PRKAB1: variants seen among roughly 807,000 people sequenced by gnomAD.
PRKAB1 encodes the protein protein kinase AMP-activated non-catalytic subunit beta 1, also known as 5'-AMP-activated protein kinase subunit beta-1.
Under a neutral mutation model 32.0 loss-of-function variants are expected in PRKAB1, and 18 were observed. The ratio of observed to expected loss-of-function variants is 0.56; its 90% CI spans 0.39 to 0.83. The LOEUF (loss-of-function observed/expected upper bound fraction) is 0.83, where lower values mean the gene tolerates loss of function less well. Ranked by LOEUF, PRKAB1 falls within the 40% of genes least tolerant of loss-of-function variation. The pLI, the probability that PRKAB1 is intolerant of heterozygous loss-of-function variation, is 0.00. For synonymous variants in PRKAB1, 141 were observed against 141.4 expected, an observed-to-expected ratio of 1.00 and a Z score of 0.02; for missense variants, 263 against 352.6, an observed-to-expected ratio of 0.75 and a Z score of 2.03.
In PRKAB1 at chr12:119,679,605, A is replaced by G. The variant is rs1593333352; in HGVS notation, c.667-328A>G. The G allele has an allele frequency of 2.8e-6, 1 of 357,348 alleles. No homozygotes were observed. The highest frequency in any genetic ancestry group is 5.4e-6 in the Non-Finnish European group (1 of 184,460). 22.1% of individuals were successfully genotyped at this position (357,348 alleles called of 1,614,324 possible). A position where few individuals can be genotyped will look rare whatever the true frequency, so the allele number is the denominator to read the frequency against. On this transcript the variant is annotated intron_variant, in intron 5 of 6. Coordinates refer to ENST00000229328, the MANE Select transcript of PRKAB1 (RefSeq NM_006253.5). This position sits in a 1 kb window ranked among gnomAD's most constrained non-coding sequence, Gnocchi z 4.1. ...AGATGGTCTCTTCCTGTGTTCTCTG[A>G]AAGTGCTGTTAATAGCTGCTTTCTT... is the stretch of plus-strand genomic sequence containing the variant.
rs368860400 is a variant in PRKAB1, at chr12:119,676,593, G to A, written c.589G>A (p.Glu197Lys). 1.1e-5 allele frequency: 17 copies of A among 1,613,804 alleles called. No homozygotes were observed. Among genetic ancestry groups the A allele is most frequent in the South Asian group, 3.3e-5 (3 of 91,078 alleles). The change falls in exon 5 of 7, where the codon GAA becomes AAA. Residue 197 changes from glutamate (E) to lysine (K), a missense_variant. Glu to Lys is a moderately conservative substitution (Grantham distance 56). Coordinates refer to ENST00000229328, the MANE Select transcript of PRKAB1 (RefSeq NM_006253.5). Reference sequence around the variant, plus strand: ...TCAGGAGCCCTACGTCTGCAAACCCGAAGAGCGCTTTCGGGCACCCCCTAT... The same window carrying A: ...TCAGGAGCCCTACGTCTGCAAACCCAAAGAGCGCTTTCGGGCACCCCCTAT... ...YHQEPYVCKP[E>K]ERFRAPPILP...
chr12:119,670,063 AAT>A (rs1206706486), intron 1 of PRKAB1: 2 of 152,158 alleles, frequency 1.3e-5, no homozygotes, highest in African/African-American at 4.8e-5. Context: ...AGCCTGTTTA[AAT>A]TCAAAAACTC....
intron 6 of PRKAB1, 52 bp downstream of exon 6, chr12:119,680,053 A>C (rs1414000761): frequency 1.3e-6 from 2 of 1,575,460 alleles, no homozygotes; most frequent in Non-Finnish European, 1.7e-6. Flanking sequence ...GTGTGCTCTG[A>C]GGACCCCCAG....
At position 119,680,094 on chromosome 12, in the gene PRKAB1, A is replaced by T; in HGVS notation, c.735+93A>T. 2.6e-6 allele frequency: 4 copies of T among 1,519,378 alleles called. No homozygotes were observed. In the East Asian group the frequency reaches 9.0e-5, roughly 34 times the overall value. The allele number at this position is 1,519,378 out of a possible 1,614,324, so 94.1% of individuals were successfully genotyped here. A position where few individuals can be genotyped will look rare whatever the true frequency, so the allele number is the denominator to read the frequency against. On this transcript the variant is annotated intron_variant, in intron 6 of 6. Transcript: ENST00000229328. Reference sequence around the variant, plus strand: ...GAATGACCTGGCGGGACTGACTTAAAGGGCAGCTTCCAGGGTCTGGCACAG... The same window carrying T: ...GAATGACCTGGCGGGACTGACTTAATGGGCAGCTTCCAGGGTCTGGCACAG...
Position 119,674,245 on chromosome 12 carries a change from G to A in PRKAB1, c.418-95G>A, listed in dbSNP as rs149119119. The A allele has an allele frequency of 3.1e-4, 342 of 1,117,818 alleles. No homozygotes were observed. The East Asian group carries it at 7.9e-3, about 26-fold the overall frequency. The allele number at this position is 1,117,818 out of a possible 1,614,324, so 69.2% of individuals were successfully genotyped here. A position where few individuals can be genotyped will look rare whatever the true frequency, so the allele number is the denominator to read the frequency against. The stretch of plus-strand genomic sequence containing the variant: ...CAAGATGAGCAGGGTGGCTAGCCAG[G>A]AGATGAGGCCTTCCAGCCAGGAATT... On this transcript the variant is annotated intron_variant, in intron 3 of 6. Coordinates refer to ENST00000229328, the MANE Select transcript of PRKAB1 (RefSeq NM_006253.5). This position sits in a 1 kb window ranked among gnomAD's most constrained non-coding sequence, Gnocchi z 4.3.
At chr12:119,668,559 G>A in intron 1 of PRKAB1, among the ~76,000 whole-genome samples, 156 bp downstream of exon 1, 1 of 152,224 alleles carries the variant, frequency 6.6e-6, no homozygotes, top group Non-Finnish European at 1.5e-5. Context: ...TCCTGTAAGA[G>A]TTCTCTTAGC....
intron 1 of PRKAB1, chr12:119,669,370 C>T (rs1955368477): frequency 6.7e-6 from 1 of 150,298 alleles, no homozygotes; most frequent in South Asian, 2.1e-4. Context: ...TAGGTTCACG[C>T]CATTCTCCTG....
chr12:119,674,548 C>A lies in PRKAB1; in HGVS notation c.532+94C>A. The A allele has an allele frequency of 8.9e-6, 8 of 895,518 alleles. No homozygotes were observed. In the South Asian group the frequency reaches 1.2e-4, roughly 13 times the overall value. 55.5% of individuals were successfully genotyped at this position (895,518 alleles called of 1,614,324 possible). ...TTCTCTTGCCTCTCTTGAGCTGAAG[C>A]TGCCCAGTCAGATAGGCATTTATAG... On this transcript the variant is annotated intron_variant, in intron 4 of 6. Coordinates refer to ENST00000229328, the MANE Select transcript of PRKAB1 (RefSeq NM_006253.5). The surrounding 1 kb of genome is among the most constrained non-coding windows in gnomAD (Gnocchi z 4.3).
rs1955427404 is a variant in PRKAB1 at position 119,676,523 on chromosome 12, C to G, written c.533-14C>G. 1.3e-6 allele frequency: 2 copies of G among 1,596,552 alleles called. No individual in the cohort carries two copies. Among genetic ancestry groups the G allele is most frequent in the African/African-American group, 2.7e-5 (2 of 74,384 alleles). ...TGATTTTCAAAGTAAAGTCCTGTTA[C>G]CATCTCCCAACAGAGCTGTCCAGTT... On this transcript the variant is annotated splice_polypyrimidine_tract_variant and intron_variant, in intron 4 of 6. Transcript: ENST00000229328.
intron 1 of PRKAB1, 74 bp downstream of exon 1, chr12:119,668,477 C>T: frequency 6.5e-7 from 1 of 1,548,052 alleles, no homozygotes; most frequent in South Asian, 1.2e-5. Flanking sequence ...AGATTCCCGT[C>T]ACATCCTTTC....
At chr12:119,675,131 G>A (rs1018853982) in intron 4 of PRKAB1, among the ~76,000 whole-genome samples, 1 of 152,222 alleles carries the variant, frequency 6.6e-6, no homozygotes, top group African/African-American at 2.4e-5. Context: ...AGAGGGTTGC[G>A]ATCTAAAGTG....
At chr12:119,670,445 G>A (rs1007625839) in intron 1 of PRKAB1, among the ~76,000 whole-genome samples, 3 of 152,130 alleles carry the variant, frequency 2.0e-5, no homozygotes, top group African/African-American at 7.2e-5. Flanking sequence ...TACAACCTGT[G>A]GTTTGAACTT....
At chr12:119,672,249 C>G in intron 1 of PRKAB1, 52 bp from the exon 2 acceptor site, 1 of 1,441,670 alleles carries the variant, frequency 6.9e-7, no homozygotes, top group Non-Finnish European at 9.3e-7. Flanking sequence ...TCAATATTGT[C>G]TGTTGTAGGG....
rs923576800 is a variant in PRKAB1 at position 119,671,497 on chromosome 12, C to T, written c.160-804C>T. The T allele has an allele frequency of 2.7e-5, 10 of 373,426 alleles. 1 individual carries two copies. The highest frequency in any genetic ancestry group is 7.1e-4 in the Middle Eastern group (1 of 1,404). The allele number at this position is 373,426 out of a possible 1,614,324, so 23.1% of individuals were successfully genotyped here. On this transcript the variant is annotated intron_variant, in intron 1 of 6. Coordinates refer to ENST00000229328, the MANE Select transcript of PRKAB1 (RefSeq NM_006253.5). ...TGGTAAAAGGCACCTCTTCACAGGA[C>T]GGCAGAAGAGAATGAGAGCAAGCAG...
chr12:119,674,507 C>A lies in PRKAB1; in HGVS notation c.532+53C>A. ...TGCGTGCAGGTGGGGGCTGTACAGT[C>A]TAGACATACTCTTGTTTCTCTTGCC... On this transcript the variant is annotated intron_variant, in intron 4 of 6. Transcript: ENST00000229328. The surrounding 1 kb of genome is among the most constrained non-coding windows in gnomAD (Gnocchi z 4.3). The A allele has an allele frequency of 7.6e-7, 1 of 1,308,622 alleles. No individual in the cohort carries two copies. Among genetic ancestry groups the A allele is most frequent in the Non-Finnish European group, 1.1e-6 (1 of 920,166 alleles). 81.1% of individuals were successfully genotyped at this position (1,308,622 alleles called of 1,614,324 possible).
intron 2 of PRKAB1, 40 bp from the exon 3 acceptor site, chr12:119,673,924 C>T (rs1181384459): frequency 6.4e-7 from 1 of 1,557,364 alleles, no homozygotes. Flanking sequence ...CGGGGGGCAG[C>T]CCACCCCACG....
chr12:119,676,508 A>G, intron 4 of PRKAB1, 29 bp from the exon 5 acceptor site: 1 of 1,564,754 alleles, frequency 6.4e-7, no homozygotes, highest in Admixed American at 1.9e-5. Flanking sequence ...TGATTTTCAA[A>G]GTAAAGTCCT....
Position 119,674,742 on chromosome 12 carries a change from G to A in PRKAB1, c.532+288G>A, listed in dbSNP as rs1050284104. ...TAGCTTGATCTCGTGCCAAGGGCAG[G>A]GCTGAAGAGGCCCTGGAGGGTGGCA... On this transcript the variant is annotated intron_variant, in intron 4 of 6. Coordinates refer to ENST00000229328, the MANE Select transcript of PRKAB1 (RefSeq NM_006253.5). The surrounding 1 kb of genome is among the most constrained non-coding windows in gnomAD (Gnocchi z 4.3). Among the ~76,000 whole-genome samples, 2 of 152,188 alleles carry A rather than the reference G, an allele frequency of 1.3e-5. No homozygotes were observed. Among genetic ancestry groups the A allele is most frequent in the African/African-American group, 4.8e-5 (2 of 41,438 alleles).
chr12:119,675,515 C>T (rs770489372), intron 4 of PRKAB1, among the ~76,000 whole-genome samples: 10 of 152,212 alleles, frequency 6.6e-5, no homozygotes, highest in Middle Eastern at 3.2e-3. Flanking sequence ...AAATATATAA[C>T]TTACTGATAC....
Sources: allele counts gnomAD v4.1 joint callset (sites outside exome capture counted in the v4.1 genomes callset), GRCh38; gene constraint gnomAD v4.1.1; non-coding constraint Gnocchi (gnomAD v3.1); transcripts MANE v1.5; gene names NCBI Gene and HGNC (gene_info 2026-07-23, HGNC 2026-07-21).